Variants in VPS13A observed in about 807,000 individuals in gnomAD.
VPS13A encodes vacuolar protein sorting 13 homolog A, also known as intermembrane lipid transfer protein VPS13A.
A neutral mutation model predicts 390.9 loss-of-function variants in VPS13A; 264 were observed. That is an observed-to-expected ratio of 0.68 (90% CI 0.61 to 0.75). The LOEUF is 0.75. Among genes scored for constraint, VPS13A ranks in the 30% least tolerant of loss-of-function variants. The probability of loss-of-function intolerance (pLI) is 0.00; values close to 1 mark genes in which losing one functional copy is unlikely to be tolerated. For synonymous variants in VPS13A, 1,231 were observed against 1,227.1 expected (o/e 1.00, Z -0.07); for missense variants, 3,409 against 3,733.9 (o/e 0.91, Z 2.27).
At chr9:77,287,553 ATAG>A (rs1385474285) in intron 31 of VPS13A, among the ~76,000 whole-genome samples, 1 of 152,200 alleles carries the variant, frequency 6.6e-6, no homozygotes, top group Admixed American at 6.5e-5. Context: ...CGTGGAATAA[ATAG>A]TAGTTAATCA....
At chr9:77,207,454 ATCT>A (rs1825747931) in intron 5 of VPS13A, among the ~76,000 whole-genome samples, 1 of 150,074 alleles carries the variant, frequency 6.7e-6, no homozygotes, top group African/African-American at 2.4e-5. Flanking sequence ...CTATTTTTTC[ATCT>A]TCTCTATATA....
At chr9:77,206,688 T>A (rs1825659092) in intron 5 of VPS13A, among the ~76,000 whole-genome samples, 1 of 152,180 alleles carries the variant, frequency 6.6e-6, no homozygotes. Flanking sequence ...CCTAGTGGGT[T>A]TTTTGCCTTG....
intron 5 of VPS13A, 71 bp from the exon 6 acceptor site, chr9:77,209,352 A>G (rs935514183): frequency 4.1e-5 from 43 of 1,052,728 alleles, no homozygotes; most frequent in African/African-American, 9.5e-5. Context: ...TAAGCATGTT[A>G]CTTCAGTATG....
chr9:77,331,521 T>C (rs554385390), intron 45 of VPS13A, among the ~76,000 whole-genome samples: 13 of 152,204 alleles, frequency 8.5e-5, no homozygotes, highest in African/African-American at 3.1e-4. Flanking sequence ...TGAATCATGT[T>C]TACATTCTGT....
rs757362831 is a variant in VPS13A at position 77,308,063 on chromosome 9, G to A, written c.4079G>A (p.Ser1360Asn). Residue 1360 changes from serine (S) to asparagine (N), a missense_variant, in exon 35 of 72, where the codon AGT becomes AAT. Around this residue, in one of 5 missense-constraint regions of VPS13A, gnomAD observed 2,717 missense variants for 2,917.4 expected, o/e 0.93. Transcript: ENST00000360280. ...ACAAAAGACCAATACAGTGCCACTAGTGGAGTTACTACTAATGCTTCACAC... is the reference window on the plus strand; with the variant it reads ...ACAAAAGACCAATACAGTGCCACTAATGGAGTTACTACTAATGCTTCACAC... ...AVTKDQYSATSGVTTNASHHS... is the reference protein window; with the variant it reads ...AVTKDQYSATNGVTTNASHHS... The A allele has an allele frequency of 7.4e-6, 12 of 1,613,802 alleles. No homozygotes were observed. In the African/African-American group the frequency reaches 9.3e-5, roughly 13 times the overall value.
At chr9:77,388,841 G>C (rs535634638) in intron 68 of VPS13A, among the ~76,000 whole-genome samples, 1 of 152,070 alleles carries the variant, frequency 6.6e-6, no homozygotes, top group South Asian at 2.1e-4. Context: ...GTCTACAAAG[G>C]TTTTCTGAGT....
At chr9:77,243,915 T>C (rs1824652489) in intron 19 of VPS13A, among the ~76,000 whole-genome samples, 1 of 152,190 alleles carries the variant, frequency 6.6e-6, no homozygotes, top group Non-Finnish European at 1.5e-5. Context: ...TGAGGGACTG[T>C]TTTGTTACTC....
chr9:77,230,343 A>G (rs941988470), intron 17 of VPS13A, among the ~76,000 whole-genome samples: 1 of 152,090 alleles, frequency 6.6e-6, no homozygotes, highest in Non-Finnish European at 1.5e-5. Flanking sequence ...TATTCTTATA[A>G]GAATTTTATG....
intron 67 of VPS13A, among the ~76,000 whole-genome samples, chr9:77,378,473 A>C (rs543210792): frequency 6.6e-6 from 1 of 151,964 alleles, no homozygotes. Context: ...TCATATAATT[A>C]TTTTTCCCTT....
intron 59 of VPS13A, among the ~76,000 whole-genome samples, chr9:77,364,063 A>T (rs1832300905): frequency 6.6e-6 from 1 of 152,006 alleles, no homozygotes; most frequent in African/African-American, 2.4e-5. Context: ...GAGTGATCAG[A>T]ACTCTAGTAT....
chr9:77,211,637 A>T (rs539755133), intron 7 of VPS13A: 1 of 152,336 alleles, frequency 6.6e-6, no homozygotes, highest in East Asian at 1.9e-4. Flanking sequence ...ATGCCCTCCA[A>T]AAAGTTACTC....
intron 68 of VPS13A, among the ~76,000 whole-genome samples, chr9:77,401,489 G>T (rs1303743952): frequency 6.6e-6 from 1 of 151,928 alleles, no homozygotes; most frequent in East Asian, 1.9e-4. Context: ...GAGTGGTATG[G>T]CTTTTATCAC....
In VPS13A at chr9:77,221,244, G is replaced by C; in HGVS notation, c.1049G>C (p.Trp350Ser). 1 of 1,613,364 alleles carries C rather than the reference G, an allele frequency of 6.2e-7. No individual in the cohort carries two copies. The highest frequency in any genetic ancestry group is 8.5e-7 in the Non-Finnish European group (1 of 1,179,566). Reference sequence around the variant, plus strand: ...AATGTTTGCCCCAGGTTATGGATGTGGTCATGGAAGCATATTAGAAAACAT... The same window carrying C: ...AATGTTTGCCCCAGGTTATGGATGTCGTCATGGAAGCATATTAGAAAACAT... ...EVNVCPRLWM[W>S]SWKHIRKHRQ... Residue 350 changes from tryptophan (W) to serine (S), a missense_variant, in exon 13 of 72, where the codon TGG (tryptophan) becomes TCG (serine). By Grantham distance (177) the Trp-to-Ser change is radical (BLOSUM62 -3). This residue lies in a region of VPS13A where 2,717 missense variants were observed against 2,917.4 expected (regional missense o/e 0.93). Coordinates refer to ENST00000360280, the MANE Select transcript of VPS13A (RefSeq NM_033305.3).
At chr9:77,275,968 A>G (rs1455539775) in intron 25 of VPS13A, 97 bp from the exon 26 acceptor site, 55 of 1,239,450 alleles carry the variant, frequency 4.4e-5, no homozygotes, top group Non-Finnish European at 5.7e-5. Flanking sequence ...TAATATATCA[A>G]TTGTATGTAT....
intron 1 of VPS13A, among the ~76,000 whole-genome samples, chr9:77,195,534 C>A (rs369518234): frequency 6.6e-6 from 1 of 152,046 alleles, no homozygotes; most frequent in Non-Finnish European, 1.5e-5. Flanking sequence ...GTCAGCAGTT[C>A]GAGACCAGCT....
chr9:77,291,165 C>A (rs144228961), intron 31 of VPS13A, among the ~76,000 whole-genome samples: 200 of 152,286 alleles, frequency 1.3e-3, no homozygotes, highest in African/African-American at 4.6e-3. Flanking sequence ...TCAGTGGGGG[C>A]ATTAGATTCT....
intron 20 of VPS13A, 58 bp from the exon 21 acceptor site, chr9:77,250,039 T>G: frequency 2.5e-6 from 4 of 1,581,608 alleles, no homozygotes; most frequent in Non-Finnish European, 2.6e-6. Flanking sequence ...AATTAAACAC[T>G]TTATACTTAC....
chr9:77,346,564 G>A (rs1017194409), intron 52 of VPS13A, among the ~76,000 whole-genome samples: 3 of 152,074 alleles, frequency 2.0e-5, no homozygotes, highest in African/African-American at 7.2e-5. Context: ...TGTTGCATTT[G>A]CTTTTGGGTT....
At chr9:77,388,450 T>G (rs1395652367) in intron 68 of VPS13A, among the ~76,000 whole-genome samples, 2 of 152,178 alleles carry the variant, frequency 1.3e-5, no homozygotes, top group Non-Finnish European at 2.9e-5. Flanking sequence ...TTTATCATTC[T>G]CAATAAGTAT....
Sources: gnomAD v4.1 joint callset for allele counts (sites outside exome capture counted in the v4.1 genomes callset) on GRCh38, gnomAD v4.1.1 for gene constraint, gnomAD v4.1.1 regional missense constraint, MANE v1.5 for transcripts, NCBI Gene and HGNC (gene_info 2026-07-23, HGNC 2026-07-21) for gene names.